The following MUC13 variants were observed in gnomAD, a reference collection of about 807,000 sequenced individuals.
MUC13 encodes mucin-13.
In MUC13, 32 loss-of-function variants were observed where a neutral mutation model predicts 48.3. The ratio of observed to expected loss-of-function variants is 0.66; its 90% confidence interval spans 0.50 to 0.89. MUC13 has a LOEUF of 0.89. Among genes scored for constraint, MUC13 ranks in the 40% least tolerant of loss-of-function variants. MUC13 has a pLI of 0.00. For missense variants in MUC13, 571 were observed against 622.8 expected (o/e 0.92, Z 0.88); for synonymous variants, 199 against 224.9 (o/e 0.88, Z 1.03).
intron 4 of MUC13, among the ~76,000 whole-genome samples, chr3:124,921,288 TACAGGCGC>T (rs1935590088): frequency 6.6e-6 from 1 of 152,086 alleles, no homozygotes; most frequent in Non-Finnish European, 1.5e-5. Flanking sequence ...TAGCTGGGAT[TACAGGCGC>T]CTGCCACCAC....
chr3:124,926,723 G>C (rs1184989426), intron 2 of MUC13, among the ~76,000 whole-genome samples: 1 of 152,132 alleles, frequency 6.6e-6, no homozygotes, highest in Non-Finnish European at 1.5e-5. Flanking sequence ...TAGATCAAGG[G>C]CTGGCAAACT....
At chr3:124,922,050 T>A in intron 4 of MUC13, 147 bp downstream of exon 4, 1 of 922,302 alleles carries the variant, frequency 1.1e-6, no homozygotes, top group Admixed American at 3.2e-5. Context: ...ACAGCTGCTG[T>A]TTACCGACCA....
chr3:124,929,919 G>T (rs1003438877), intron 1 of MUC13, among the ~76,000 whole-genome samples: 5 of 152,208 alleles, frequency 3.3e-5, no homozygotes, highest in African/African-American at 1.2e-4. Flanking sequence ...GAAAATTGGG[G>T]ATCAGAATGA....
chr3:124,908,892 C>T (rs1935369125), intron 10 of MUC13, among the ~76,000 whole-genome samples: 1 of 152,156 alleles, frequency 6.6e-6, no homozygotes, highest in Admixed American at 6.5e-5. Flanking sequence ...GGTGGCTCAC[C>T]TCTGTAATCC....
At chr3:124,928,916 G>T (rs1452925167) in intron 1 of MUC13, among the ~76,000 whole-genome samples, 1 of 152,070 alleles carries the variant, frequency 6.6e-6, no homozygotes, top group East Asian at 1.9e-4. Flanking sequence ...GAAAGGTTAG[G>T]GTTGGGTAAT....
rs778318901 is a variant in MUC13, at chr3:124,927,584, T to G, written c.462A>C (p.Ser154=). 20 of 1,614,126 alleles carry G rather than the reference T, an allele frequency of 1.2e-5. No individual in the cohort carries two copies. Among genetic ancestry groups the G allele is most frequent in the Non-Finnish European group, 1.5e-5 (18 of 1,180,046 alleles). ...ATAAAGCGGTGCCAGTGGGAGGCCC[T>G]GATGATTGATTGTCTTCTGTGGTGG... The part of the protein sequence containing the change: ...MSPTTEDNQS[S]GPPTGTALLE... The change falls in exon 2 of 12, where the codon TCA becomes TCC. Residue 154 remains serine (S), a synonymous_variant. Coordinates refer to ENST00000616727, the MANE Select transcript of MUC13 (RefSeq NM_033049.4).
intron 6 of MUC13, 28 bp from the exon 7 acceptor site, chr3:124,913,709 T>C (rs556355626): frequency 6.2e-7 from 1 of 1,613,680 alleles, no homozygotes; most frequent in African/African-American, 1.3e-5. Flanking sequence ...TTTAAAAATA[T>C]ATTCAGCATG....
chr3:124,928,082 C>CTT (rs56396479), intron 1 of MUC13, 89 bp from the exon 2 acceptor site: 91,141 of 706,072 alleles, frequency 0.13, 2,712 homozygotes, highest in Admixed American at 0.16. Flanking sequence ...CCAACTCATT[C>CTT]TTTTTTTTTT....
At chr3:124,908,954 G>A (rs1432872559) in intron 10 of MUC13, among the ~76,000 whole-genome samples, 1 of 152,146 alleles carries the variant, frequency 6.6e-6, no homozygotes, top group Non-Finnish European at 1.5e-5. Flanking sequence ...AGGAGTTCGA[G>A]ACCAGCCTGG....
chr3:124,915,767 C>G (rs1423736299), intron 6 of MUC13, among the ~76,000 whole-genome samples: 1 of 152,146 alleles, frequency 6.6e-6, no homozygotes, highest in Non-Finnish European at 1.5e-5. Context: ...CTCACTGCAG[C>G]CTCAACCTCC....
chr3:124,934,509 G>A, intron 1 of MUC13, 152 bp downstream of exon 1: 2 of 591,576 alleles, frequency 3.4e-6, no homozygotes, highest in Non-Finnish European at 6.2e-6. Flanking sequence ...AGGATAAAAT[G>A]TCTGTGTCTT....
rs961239244 is a variant in MUC13 at position 124,905,829 on chromosome 3, C to T, written c.*914G>A. The T allele has an allele frequency of 6.6e-6, 1 of 152,292 alleles. No homozygotes were observed. The highest frequency in any genetic ancestry group is 1.5e-5 in the Non-Finnish European group (1 of 68,060). The allele number at this position is 152,292 out of a possible 1,614,324, so 9.4% of individuals were successfully genotyped here. A position where few individuals can be genotyped will look rare whatever the true frequency, so the allele number is the denominator to read the frequency against. The stretch of plus-strand genomic sequence containing the variant: ...TACTCCTGGATTTTTTGTTTTTAAA[C>T]CTTCTCCCAGCCAGTCTTCGGGAGG... On this transcript the variant is annotated 3_prime_UTR_variant, in exon 12 of 12. Coordinates refer to ENST00000616727, the MANE Select transcript of MUC13 (RefSeq NM_033049.4).
At chr3:124,932,594 A>T (rs1935816733) in intron 1 of MUC13, among the ~76,000 whole-genome samples, 1 of 152,008 alleles carries the variant, frequency 6.6e-6, no homozygotes, top group Admixed American at 6.6e-5. Flanking sequence ...GAAAGAAAAG[A>T]AAATCAGATC....
In MUC13 at chr3:124,916,368, T is replaced by G; in HGVS notation, c.913A>C (p.Lys305Gln). ...CTACTTCTAATTGCTTTATTAATTT[T>G]CTCAGTCACAGTCTTCTCATTGTCA... ...TSDNEKTVTE[K>Q]INKAIRSSSS... The change falls in exon 6 of 12, where the codon AAA (lysine) becomes CAA (glutamine). Residue 305 changes from lysine (K) to glutamine (Q), a missense_variant. Physicochemically the swap from Lys to Gln is moderately conservative, Grantham distance 53. Transcript: ENST00000616727. The G allele has an allele frequency of 6.2e-7, 1 of 1,613,434 alleles. No individual in the cohort carries two copies. The highest frequency in any genetic ancestry group is 8.5e-7 in the Non-Finnish European group (1 of 1,179,880).
intron 2 of MUC13, among the ~76,000 whole-genome samples, chr3:124,925,006 T>C (rs537769243): frequency 6.6e-6 from 1 of 152,300 alleles, no homozygotes; most frequent in African/African-American, 2.4e-5. Context: ...GGAAAATTTA[T>C]GTCCACACAA....
rs761530480 is a variant in MUC13, at chr3:124,916,276, G to GGTCT, written c.964+37_964+40dup. On this transcript the variant is annotated intron_variant, in intron 6 of 11. Coordinates refer to ENST00000616727, the MANE Select transcript of MUC13 (RefSeq NM_033049.4). The stretch of plus-strand genomic sequence containing the variant: ...AAAAGGTTTACAAAAAAGGTAGGTA[G>GGTCT]GTCTTCAGGTGAACTTTGAATAAAA... 93 of 1,502,560 alleles carry GGTCT rather than the reference G, an allele frequency of 6.2e-5. No individual in the cohort carries two copies. The Middle Eastern group carries it at 2.1e-3, about 34-fold the overall frequency. 93.1% of individuals were successfully genotyped at this position (1,502,560 alleles called of 1,614,324 possible). A position where few individuals can be genotyped will look rare whatever the true frequency, so the allele number is the denominator to read the frequency against.
At chr3:124,909,346 A>T (rs1333609857) in intron 10 of MUC13, among the ~76,000 whole-genome samples, 1 of 152,146 alleles carries the variant, frequency 6.6e-6, no homozygotes, top group African/African-American at 2.4e-5. Context: ...AGATCACAGC[A>T]TTTGCCTCCC....
chr3:124,931,702 A>C (rs77972677), intron 1 of MUC13, among the ~76,000 whole-genome samples: 3 of 149,818 alleles, frequency 2.0e-5, no homozygotes, highest in African/African-American at 7.4e-5. Context: ...GAGCTGAGAT[A>C]GTGCCATTGC....
At chr3:124,908,479 T>C in intron 10 of MUC13, 131 bp from the exon 11 acceptor site, 1 of 768,582 alleles carries the variant, frequency 1.3e-6, no homozygotes, top group Non-Finnish European at 2.1e-6. Flanking sequence ...ACAAAATACA[T>C]ATATTACGGC....
Sources: allele counts gnomAD v4.1 joint callset (sites outside exome capture counted in the v4.1 genomes callset), GRCh38; gene constraint gnomAD v4.1.1; transcripts MANE v1.5; gene names NCBI Gene and HGNC (gene_info 2026-07-23, HGNC 2026-07-21).